SLC5A1: variants seen among roughly 807,000 people sequenced by gnomAD.
SLC5A1 encodes the protein sodium/glucose cotransporter 1.
In SLC5A1, 42 loss-of-function variants were observed where a neutral mutation model predicts 73.5. That is an observed-to-expected ratio of 0.57 (90% CI 0.45 to 0.74). SLC5A1 has a LOEUF of 0.74. Among genes scored for constraint, SLC5A1 ranks in the 30% least tolerant of loss-of-function variants. The probability of loss-of-function intolerance (pLI) is 0.00; values close to 1 mark genes in which losing one functional copy is unlikely to be tolerated. For missense variants in SLC5A1, 634 were observed against 855.4 expected (o/e 0.74, Z 3.23); for synonymous variants, 300 against 317.4 (o/e 0.95, Z 0.58).
At chr22:32,078,954 CAAAAAAAAAAAAAAAAAA>C (rs6147589) in intron 5 of SLC5A1, among the ~76,000 whole-genome samples, 4 of 109,108 alleles carry the variant, frequency 3.7e-5, no homozygotes, top group Non-Finnish European at 7.2e-5. Flanking sequence ...ACTCTGTCTC[CAAAAAAAAAAAAAAAAAA>C]AAAAAAAAAA....
chr22:32,046,951 AATG>A (rs1342541233), intron 1 of SLC5A1, among the ~76,000 whole-genome samples: 1 of 152,238 alleles, frequency 6.6e-6, no homozygotes, highest in Non-Finnish European at 1.5e-5. Context: ...CTCACAGAAC[AATG>A]ATTTTCTGTG....
Position 32,099,233 on chromosome 22 carries a change from T to A in SLC5A1, c.1331T>A (p.Val444Glu). ...ATCAGCATCGCCTGGGTGCCCATTG[T>A]GCAGTCAGCACAAAGTGGGCAACTC... ...IGISIAWVPI[V>E]QSAQSGQLFD... is the part of the protein sequence containing the mutation. The change falls in exon 12 of 15, where the codon GTG (valine) becomes GAG (glutamate). Residue 444 changes from valine to glutamate, a missense_variant. This residue lies in a region of SLC5A1 where 422 missense variants were observed against 626.1 expected (regional missense o/e 0.67). Transcript: ENST00000266088. 6.2e-7 allele frequency: 1 copy of A among 1,613,250 alleles called. No individual in the cohort carries two copies. The highest frequency in any genetic ancestry group is 8.5e-7 in the Non-Finnish European group (1 of 1,179,780).
chr22:32,088,336 CTTT>C (rs5844962), intron 10 of SLC5A1, among the ~76,000 whole-genome samples: 6 of 134,708 alleles, frequency 4.5e-5, no homozygotes, highest in Admixed American at 1.5e-4. Context: ...TACTGCATTC[CTTT>C]TTTTTTTTTT....
intron 2 of SLC5A1, among the ~76,000 whole-genome samples, chr22:32,063,728 G>A (rs890109444): frequency 6.6e-6 from 1 of 152,126 alleles, no homozygotes; most frequent in African/African-American, 2.4e-5. Context: ...CCGCTACTTG[G>A]TCCTGTTGAG....
intron 3 of SLC5A1, 78 bp downstream of exon 3, chr22:32,067,117 G>A (rs2093974762): frequency 8.3e-7 from 1 of 1,209,624 alleles, no homozygotes; most frequent in Non-Finnish European, 1.2e-6. Context: ...ATGCTCAGAG[G>A]AGCTGAAGAT....
chr22:32,092,883 ATGCCT>A (rs2094020340), intron 11 of SLC5A1, among the ~76,000 whole-genome samples: 4 of 152,278 alleles, frequency 2.6e-5, no homozygotes, highest in South Asian at 4.2e-4. Context: ...GCCTAAGCCA[ATGCCT>A]AGGAGGGTTT....
intron 1 of SLC5A1, among the ~76,000 whole-genome samples, chr22:32,045,209 C>T (rs2093935618): frequency 6.6e-6 from 1 of 152,182 alleles, no homozygotes; most frequent in Admixed American, 6.5e-5. Flanking sequence ...TACAGTACTG[C>T]CTGTTTCCCA....
At chr22:32,067,943 G>A (rs754537460) in intron 3 of SLC5A1, 24 bp from the exon 4 acceptor site, 1 of 1,613,916 alleles carries the variant, frequency 6.2e-7, no homozygotes. Context: ...CCTAATTTGA[G>A]TCCACCTTTT....
At chr22:32,044,466 G>A (rs928853743) in intron 1 of SLC5A1, among the ~76,000 whole-genome samples, 6 of 152,100 alleles carry the variant, frequency 3.9e-5, no homozygotes, top group African/African-American at 1.4e-4. Flanking sequence ...AGGAAGGTAG[G>A]CATGAACACT....
chr22:32,088,828 G>T (rs2094012300), intron 10 of SLC5A1, among the ~76,000 whole-genome samples: 1 of 152,114 alleles, frequency 6.6e-6, no homozygotes, highest in African/African-American at 2.4e-5. Flanking sequence ...CTCTCTGGCT[G>T]CTCCTTTTCA....
intron 2 of SLC5A1, among the ~76,000 whole-genome samples, chr22:32,058,416 CTA>C (rs2093955265): frequency 6.6e-6 from 1 of 152,164 alleles, no homozygotes; most frequent in Admixed American, 6.5e-5. Flanking sequence ...AATTGTTTTT[CTA>C]TTGTTGGGCC....
At chr22:32,103,625 G>A (rs2094040199) in intron 13 of SLC5A1, among the ~76,000 whole-genome samples, 1 of 152,174 alleles carries the variant, frequency 6.6e-6, no homozygotes, top group South Asian at 2.1e-4. Flanking sequence ...TATTTCTTTT[G>A]ACAGTCCCAT....
chr22:32,085,185 T>C (rs1326787965), intron 9 of SLC5A1, 150 bp downstream of exon 9: 15 of 957,282 alleles, frequency 1.6e-5, no homozygotes, highest in Non-Finnish European at 2.5e-5. Context: ...GTGTGATCAT[T>C]GCTCACTGCA....
In SLC5A1 at chr22:32,081,784, G is replaced by A. The variant is rs140572809; in HGVS notation, c.478-82G>A. 540 of 853,032 alleles carry A rather than the reference G, an allele frequency of 6.3e-4. 2 individuals are homozygous for A. The African/African-American group carries it at 7.9e-3, about 13-fold the overall frequency. 52.8% of individuals were successfully genotyped at this position (853,032 alleles called of 1,614,324 possible). A position where few individuals can be genotyped will look rare whatever the true frequency, so the allele number is the denominator to read the frequency against. ...TATCATCTTGAATAAAGCTTGCTTG[G>A]AAAATCAGGAGTAGAGAGACTACAG... is the stretch of plus-strand genomic sequence containing the variant. On this transcript the variant is annotated intron_variant, in intron 5 of 14. Coordinates refer to ENST00000266088, the MANE Select transcript of SLC5A1 (RefSeq NM_000343.4).
At chr22:32,084,317 C>G (rs1177746764) in intron 7 of SLC5A1, 122 bp from the exon 8 acceptor site, 1 of 822,612 alleles carries the variant, frequency 1.2e-6, no homozygotes, top group African/African-American at 1.7e-5. Context: ...TTGCCCAAGG[C>G]CACTCAGTGA....
chr22:32,070,260 CTCCCCTCCCCG>C (rs1182791367), intron 5 of SLC5A1, among the ~76,000 whole-genome samples: 1 of 86,322 alleles, frequency 1.2e-5, no homozygotes, highest in East Asian at 5.1e-4. Flanking sequence ...TCCCCTCCCC[CTCCCCTCCCCG>C]TCCCCCCTCC....
At chr22:32,063,303 GGGA>G (rs1395416562) in intron 2 of SLC5A1, among the ~76,000 whole-genome samples, 2 of 152,128 alleles carry the variant, frequency 1.3e-5, no homozygotes, top group African/African-American at 4.8e-5. Flanking sequence ...TTATCCTCTT[GGGA>G]GGAGAAAGGA....
rs374517014 is a variant in SLC5A1 at position 32,067,960 on chromosome 22, A to G, written c.313-7A>G. The G allele has an allele frequency of 5.6e-6, 9 of 1,613,862 alleles. No individual in the cohort carries two copies. In the African/African-American group the frequency reaches 1.1e-4, roughly 19 times the overall value. On this transcript the variant is annotated splice_region_variant and splice_polypyrimidine_tract_variant and intron_variant, in intron 3 of 14. Coordinates refer to ENST00000266088, the MANE Select transcript of SLC5A1 (RefSeq NM_000343.4). ...TAATTTGAGTCCACCTTTTGTGTTCATTTCAGGCCCTGGTTTTGGTGGTTG... is the reference window on the plus strand; with the variant it reads ...TAATTTGAGTCCACCTTTTGTGTTCGTTTCAGGCCCTGGTTTTGGTGGTTG...
At position 32,070,184 on chromosome 22, in the gene SLC5A1, G is replaced by T. The variant is rs529979216; in HGVS notation, c.477+1584G>T. ...AGCAGAGCTCTTGGCTGACCTACTGGAGCAAACATTGTGTTTCTCTTCTCT... is the reference window on the plus strand; with the variant it reads ...AGCAGAGCTCTTGGCTGACCTACTGTAGCAAACATTGTGTTTCTCTTCTCT... On this transcript the variant is annotated intron_variant, in intron 5 of 14. Transcript: ENST00000266088. Among the ~76,000 whole-genome samples, 3 of 140,906 alleles carry T rather than the reference G, an allele frequency of 2.1e-5. No homozygotes were observed. In the East Asian group the frequency reaches 6.5e-4, roughly 30 times the overall value. The allele number at this position is 140,906 out of a possible 152,430, so 92.4% of individuals were successfully genotyped here. A position where few individuals can be genotyped will look rare whatever the true frequency, so the allele number is the denominator to read the frequency against.
Sources: gnomAD v4.1 joint callset for allele counts (sites outside exome capture counted in the v4.1 genomes callset) on GRCh38, gnomAD v4.1.1 for gene constraint, gnomAD v4.1.1 regional missense constraint, MANE v1.5 for transcripts, NCBI Gene and HGNC (gene_info 2026-07-23, HGNC 2026-07-21) for gene names.